The following CC2D2B variants were observed in gnomAD, a reference collection of about 807,000 sequenced individuals.
CC2D2B encodes coiled-coil and C2 domain containing 2B.
Under a neutral mutation model 161.2 loss-of-function variants are expected in CC2D2B, and 128 were observed. That is an observed-to-expected ratio of 0.79 (90% CI 0.69 to 0.92). The LOEUF (loss-of-function observed/expected upper bound fraction) is 0.92, where lower values mean the gene tolerates loss of function less well. Among genes scored for constraint, CC2D2B ranks in the 40% least tolerant of loss-of-function variants. The pLI is 0.00. For missense variants in CC2D2B, 1,173 were observed against 1,375.1 expected, an observed-to-expected ratio of 0.85 and a Z score of 2.32; for synonymous variants, 391 against 449.8, an observed-to-expected ratio of 0.87 and a Z score of 1.65.
At chr10:95,972,459 C>G (rs2077169696) in intron 16 of CC2D2B, among the ~76,000 whole-genome samples, 1 of 152,012 alleles carries the variant, frequency 6.6e-6, no homozygotes, top group Non-Finnish European at 1.5e-5. Flanking sequence ...GATTACAGAT[C>G]CCTGCCACCA....
chr10:95,969,076 G>A (rs1167891717), intron 15 of CC2D2B, among the ~76,000 whole-genome samples, 175 bp downstream of exon 15: 1 of 152,154 alleles, frequency 6.6e-6, no homozygotes, highest in Non-Finnish European at 1.5e-5. Flanking sequence ...AGTCTTTTAT[G>A]CTGTAAGTAC....
In CC2D2B at chr10:95,995,277, A is replaced by G. The variant is rs1387373729; in HGVS notation, c.2651A>G (p.Asp884Gly). 4.6e-6 allele frequency: 7 copies of G among 1,518,344 alleles called. No individual in the cohort carries two copies. Among genetic ancestry groups the G allele is most frequent in the Non-Finnish European group, 6.2e-6 (7 of 1,136,960 alleles). 94.1% of individuals were successfully genotyped at this position (1,518,344 alleles called of 1,614,324 possible). Residue 884 changes from aspartate to glycine, a missense_variant, in exon 23 of 35, where the codon GAT (aspartate) becomes GGT (glycine). Coordinates refer to ENST00000646931, the MANE Select transcript of CC2D2B (RefSeq NM_001349008.3). ...TRKTTINGSLDMPTCLKSSIS... is the reference protein window; with the variant it reads ...TRKTTINGSLGMPTCLKSSIS... ...TATTGTTTTTCCTGAAGATCCTTGG[A>G]TATGCCTACTTGTTTGAAATCATCT...
chr10:95,944,429 G>A (rs11819652), intron 9 of CC2D2B, among the ~76,000 whole-genome samples: 5,500 of 152,114 alleles, frequency 0.036, 136 homozygotes, highest in South Asian at 0.079. Flanking sequence ...AAAAGAGGAG[G>A]GAAAAGCCCT....
At chr10:95,960,601 C>T (rs1289569906) in intron 11 of CC2D2B, among the ~76,000 whole-genome samples, 2 of 152,106 alleles carry the variant, frequency 1.3e-5, no homozygotes, top group Admixed American at 6.6e-5. Context: ...CAGTCTCAAC[C>T]TTCTAGTCTC....
At chr10:95,941,216 C>T (rs1036415547) in intron 9 of CC2D2B, among the ~76,000 whole-genome samples, 5 of 152,120 alleles carry the variant, frequency 3.3e-5, no homozygotes, top group African/African-American at 1.2e-4. Flanking sequence ...GACTTAAAAA[C>T]AATACCTGAA....
At chr10:95,919,755 C>G (rs1450484184) in intron 2 of CC2D2B, 1 of 152,140 alleles carries the variant, frequency 6.6e-6, no homozygotes, top group Non-Finnish European at 1.5e-5. Context: ...GAAGCAGGTT[C>G]CCTTCTGGCC....
At chr10:96,009,764 T>C in intron 25 of CC2D2B, 61 bp from the exon 26 acceptor site, 1 of 637,476 alleles carries the variant, frequency 1.6e-6, no homozygotes. Context: ...TACCTGTGAG[T>C]TTATAAAACT....
At position 95,968,887 on chromosome 10, in the gene CC2D2B, G is replaced by T; in HGVS notation, c.1630G>T (p.Val544Leu). 8.1e-7 allele frequency: 1 copy of T among 1,229,386 alleles called. No homozygotes were observed. Among genetic ancestry groups the T allele is most frequent in the Non-Finnish European group, 1.0e-6 (1 of 985,696 alleles). 76.2% of individuals were successfully genotyped at this position (1,229,386 alleles called of 1,614,324 possible). Reference protein sequence around the residue: ...FNIQLMYWPEVICLEVYEKSK... With the variant: ...FNIQLMYWPELICLEVYEKSK... ...TATTCAGTTAATGTATTGGCCTGAA[G>T]TGATTTGTTTGGAGGTATGCCATTG... The change falls in exon 15 of 35, where the codon GTG (valine) becomes TTG (leucine). Residue 544 changes from valine (V) to leucine (L), a missense_variant. Around this residue, in one of 3 missense-constraint regions of CC2D2B, gnomAD observed 277 missense variants for 420.6 expected, o/e 0.66. Transcript: ENST00000646931.
In CC2D2B at chr10:95,968,876, A is replaced by G. The variant is rs1467062198; in HGVS notation, c.1619A>G (p.Tyr540Cys). 4.0e-5 allele frequency: 49 copies of G among 1,229,348 alleles called. No homozygotes were observed. Among genetic ancestry groups the G allele is most frequent in the Non-Finnish European group, 2.0e-5 (20 of 985,778 alleles). The allele number at this position is 1,229,348 out of a possible 1,614,324, so 76.2% of individuals were successfully genotyped here. A position where few individuals can be genotyped will look rare whatever the true frequency, so the allele number is the denominator to read the frequency against. ...FQQIFNIQLM[Y>C]WPEVICLEVY... ...CAAATTTTCAATATTCAGTTAATGTATTGGCCTGAAGTGATTTGTTTGGAG... is the reference window on the plus strand; with the variant it reads ...CAAATTTTCAATATTCAGTTAATGTGTTGGCCTGAAGTGATTTGTTTGGAG... The change falls in exon 15 of 35, where the codon TAT becomes TGT. Residue 540 changes from tyrosine to cysteine, a missense_variant. Tyr to Cys is a radical substitution (Grantham distance 194). This residue lies in a region of CC2D2B where 277 missense variants were observed against 420.6 expected (regional missense o/e 0.66). Coordinates refer to ENST00000646931, the MANE Select transcript of CC2D2B (RefSeq NM_001349008.3).
chr10:95,968,616 C>G, intron 14 of CC2D2B, 108 bp from the exon 15 acceptor site: 1 of 428,086 alleles, frequency 2.3e-6, no homozygotes, highest in Non-Finnish European at 3.9e-6. Flanking sequence ...TAACATTTGT[C>G]CTCTGAAATT....
chr10:95,930,912 C>T (rs1564591468), intron 6 of CC2D2B, among the ~76,000 whole-genome samples: 2 of 151,914 alleles, frequency 1.3e-5, no homozygotes, highest in East Asian at 1.9e-4. Flanking sequence ...AATGAGTTAG[C>T]GAGGAGTCTC....
intron 14 of CC2D2B, among the ~76,000 whole-genome samples, 180 bp downstream of exon 14, chr10:95,966,482 TAAAG>T (rs1166758355): frequency 6.6e-6 from 1 of 152,046 alleles, no homozygotes; most frequent in African/African-American, 2.4e-5. Context: ...ATCCTCATCT[TAAAG>T]AAGGAATGTA....
At chr10:95,933,670 G>T (rs2075693264) in intron 6 of CC2D2B, among the ~76,000 whole-genome samples, 1 of 152,086 alleles carries the variant, frequency 6.6e-6, no homozygotes, top group South Asian at 2.1e-4. Context: ...TTTGCTGGAG[G>T]TCCACTCCAG....
rs566361334 is a variant in CC2D2B at position 95,977,043 on chromosome 10, C to T, written c.1943+2887C>T. 2.4e-4 allele frequency among the ~76,000 whole-genome samples: 37 copies of T among 152,322 alleles called. 1 individual carries two copies. The South Asian group carries it at 7.5e-3, about 31-fold the overall frequency. On this transcript the variant is annotated intron_variant, in intron 17 of 34. Coordinates refer to ENST00000646931, the MANE Select transcript of CC2D2B (RefSeq NM_001349008.3). ...GGGATTACAGGCATGAGCCACCGCA[C>T]CCAGCCCAGCTTTAGTGCTTTAATA...
chr10:95,940,505 T>C (rs1445041443), intron 9 of CC2D2B, among the ~76,000 whole-genome samples: 1 of 152,220 alleles, frequency 6.6e-6, no homozygotes, highest in Non-Finnish European at 1.5e-5. Flanking sequence ...GTTTTTATTC[T>C]AAAAAGTTTA....
intron 14 of CC2D2B, among the ~76,000 whole-genome samples, chr10:95,967,301 C>T (rs1441718283): frequency 6.6e-6 from 1 of 151,928 alleles, no homozygotes; most frequent in Non-Finnish European, 1.5e-5. Context: ...GGGAAGAATA[C>T]AGGAGCCATA....
At chr10:95,991,738 C>A (rs920865269) in intron 21 of CC2D2B, among the ~76,000 whole-genome samples, 2 of 152,152 alleles carry the variant, frequency 1.3e-5, no homozygotes, top group Non-Finnish European at 2.9e-5. Flanking sequence ...AAAAGAAACA[C>A]CTTTGTCCCA....
At position 96,009,996 on chromosome 10, in the gene CC2D2B, G is replaced by T. The variant is rs11188555; in HGVS notation, c.3045+73G>T. 469 of 866,386 alleles carry T rather than the reference G, an allele frequency of 5.4e-4. 2 individuals are homozygous for T. The African/African-American group carries it at 7.1e-3, about 13-fold the overall frequency. 53.7% of individuals were successfully genotyped at this position (866,386 alleles called of 1,614,324 possible). On this transcript the variant is annotated intron_variant, in intron 26 of 34. Coordinates refer to ENST00000646931, the MANE Select transcript of CC2D2B (RefSeq NM_001349008.3). ...CATAGAAAAACTTTCTGTTGTCTTT[G>T]AATCAGACTCTGTGATTGGCAGGCT... is the stretch of plus-strand genomic sequence containing the variant.
chr10:95,970,190 T>C (rs1339921364), intron 15 of CC2D2B, among the ~76,000 whole-genome samples: 2 of 151,990 alleles, frequency 1.3e-5, no homozygotes, highest in Non-Finnish European at 2.9e-5. Context: ...CCCACCACCA[T>C]GCCCCGCTAA....
Sources: gnomAD v4.1 joint callset for allele counts (sites outside exome capture counted in the v4.1 genomes callset) on GRCh38, gnomAD v4.1.1 for gene constraint, gnomAD v4.1.1 regional missense constraint, MANE v1.5 for transcripts, NCBI Gene and HGNC (gene_info 2026-07-23, HGNC 2026-07-21) for gene names.